Variants in BCL11A observed in about 807,000 individuals in gnomAD.
BCL11A encodes the protein B cell CLL/lymphoma 11A.
A neutral mutation model predicts 55.9 loss-of-function variants in BCL11A; 2 were observed. That is an observed-to-expected ratio of 0.04 (90% confidence interval 0.01 to 0.11). BCL11A has a LOEUF of 0.11. BCL11A is among the 10% of genes least tolerant of loss of function. The pLI, the probability that BCL11A is intolerant of heterozygous loss-of-function variation, is 1.00. For missense variants in BCL11A, 817 were observed against 1,137.1 expected, an observed-to-expected ratio of 0.72 and a Z score of 4.05; for synonymous variants, 465 against 473.4, an observed-to-expected ratio of 0.98 and a Z score of 0.23.
chr2:60,541,285 T>C (rs2104713725), intron 2 of BCL11A, among the ~76,000 whole-genome samples: 2 of 152,338 alleles, frequency 1.3e-5, no homozygotes, highest in East Asian at 3.9e-4. Context: ...ACAAGGGTAA[T>C]GTCTGAAGAA....
chr2:60,549,920 GGCTGCGGTTAT>G (rs572488374), intron 1 of BCL11A: 2 of 152,464 alleles, frequency 1.3e-5, no homozygotes, highest in East Asian at 3.9e-4. Context: ...GCGCGGCGGC[GGCTGCGGTTAT>G]TCATTATTAA....
At chr2:60,488,626 G>A (rs1419108615) in intron 2 of BCL11A, among the ~76,000 whole-genome samples, 4 of 152,110 alleles carry the variant, frequency 2.6e-5, no homozygotes, top group African/African-American at 4.8e-5. Flanking sequence ...AGGGGAATTC[G>A]GTAAAACTTT....
chr2:60,523,148 C>T (rs1319177313), intron 2 of BCL11A, among the ~76,000 whole-genome samples: 1 of 152,268 alleles, frequency 6.6e-6, no homozygotes, highest in African/African-American at 2.4e-5. Flanking sequence ...GATGCAGAGG[C>T]AGGTCACAGA....
intron 2 of BCL11A, among the ~76,000 whole-genome samples, chr2:60,541,009 GTTT>G (rs1236492223): frequency 7.2e-6 from 1 of 139,804 alleles, no homozygotes; most frequent in African/African-American, 2.6e-5. Context: ...TTGTTTTTTT[GTTT>G]TTTTAAGCTT....
rs764628591 is a variant in BCL11A at position 60,461,276 on chromosome 2, C to T, written c.1636G>A (p.Val546Ile). 1.2e-5 allele frequency: 19 copies of T among 1,581,664 alleles called. No homozygotes were observed. The highest frequency in any genetic ancestry group is 3.4e-5 in the Admixed American group (2 of 59,168). Residue 546 changes from valine to isoleucine, a missense_variant, in exon 4 of 4, where the codon GTC becomes ATC. Transcript: ENST00000642384. ...VGDESRALPD[V>I]MQGMVLSSMQ... ...GAGCTGAGCACCATGCCCTGCATGACGTCGGGCAGGGCGCGGCTCTCGTCG... is the reference window on the plus strand; with the variant it reads ...GAGCTGAGCACCATGCCCTGCATGATGTCGGGCAGGGCGCGGCTCTCGTCG...
At chr2:60,552,091 G>A (rs780769937) in intron 1 of BCL11A, among the ~76,000 whole-genome samples, 7 of 151,838 alleles carry the variant, frequency 4.6e-5, no homozygotes, top group Admixed American at 1.3e-4. Flanking sequence ...TGGGGGAAGA[G>A]GGTGATTGTA....
intron 2 of BCL11A, among the ~76,000 whole-genome samples, chr2:60,499,486 A>ATTGAC (rs1679156719): frequency 6.6e-6 from 1 of 152,186 alleles, no homozygotes; most frequent in African/African-American, 2.4e-5. Flanking sequence ...CAATAGGCTG[A>ATTGAC]TTGACTTGTC....
intron 2 of BCL11A, among the ~76,000 whole-genome samples, chr2:60,531,313 T>C (rs890790624): frequency 2.6e-5 from 4 of 152,086 alleles, no homozygotes; most frequent in Non-Finnish European, 5.9e-5. Flanking sequence ...AACCAGAAAA[T>C]AAATTAAATA....
intron 2 of BCL11A, among the ~76,000 whole-genome samples, chr2:60,482,547 T>C (rs1678021490): frequency 6.6e-6 from 1 of 152,212 alleles, no homozygotes; most frequent in Admixed American, 6.5e-5. Flanking sequence ...TGCTTATTTA[T>C]AGATTTGCAG....
At chr2:60,534,729 C>T (rs1215464422) in intron 2 of BCL11A, 1 of 152,218 alleles carries the variant, frequency 6.6e-6, no homozygotes, top group Non-Finnish European at 1.5e-5. Context: ...CAAGAAGATG[C>T]ATCATTTTGC....
At chr2:60,454,544 AAC>A (rs1321801460), downstream of BCL11A, among the ~76,000 whole-genome samples, 1 of 152,184 alleles carries the variant, frequency 6.6e-6, no homozygotes, top group Non-Finnish European at 1.5e-5. Context: ...CGTAATGAGG[AAC>A]ACACAGTTAC....
chr2:60,509,911 A>G (rs1290886927), intron 2 of BCL11A, among the ~76,000 whole-genome samples: 1 of 152,096 alleles, frequency 6.6e-6, no homozygotes, highest in South Asian at 2.1e-4. Flanking sequence ...GCCCATCCCA[A>G]TAAACAGCAA....
intron 2 of BCL11A, among the ~76,000 whole-genome samples, chr2:60,505,177 A>C (rs1382469391): frequency 6.6e-6 from 1 of 152,200 alleles, no homozygotes; most frequent in Admixed American, 6.5e-5. Flanking sequence ...CCGTATCCTC[A>C]TTACTAACAG....
intron 2 of BCL11A, among the ~76,000 whole-genome samples, chr2:60,476,615 C>A (rs996299834): frequency 2.6e-5 from 4 of 152,220 alleles, no homozygotes; most frequent in African/African-American, 9.6e-5. Flanking sequence ...TAAAATAAAT[C>A]ATATTTGCTA....
intron 2 of BCL11A, among the ~76,000 whole-genome samples, chr2:60,470,626 T>C (rs944107206): frequency 6.6e-6 from 1 of 152,090 alleles, no homozygotes; most frequent in African/African-American, 2.4e-5. Flanking sequence ...CAGCAAGAAA[T>C]GGGAGAACTG....
In BCL11A at chr2:60,461,244, C is replaced by T. The variant is rs777019944; in HGVS notation, c.1668G>A (p.Gln556=). 1.9e-6 allele frequency: 3 copies of T among 1,609,416 alleles called. No homozygotes were observed. In the Admixed American group the frequency reaches 5.0e-5, roughly 27 times the overall value. The change falls in exon 4 of 4, where the codon CAG becomes CAA. Residue 556 remains glutamine, a synonymous_variant. Coordinates refer to ENST00000642384, the MANE Select transcript of BCL11A (RefSeq NM_022893.4). ...VMQGMVLSSM[Q]HFSEAFHQVL... is the part of the protein sequence containing the mutation. ...CCTGGTGGAAGGCCTCGCTGAAGTG[C>T]TGCATGGAGCTGAGCACCATGCCCT...
intron 3 of BCL11A, among the ~76,000 whole-genome samples, chr2:60,466,551 C>T (rs577907725): frequency 1.3e-5 from 2 of 152,284 alleles, no homozygotes; most frequent in South Asian, 2.1e-4. Context: ...GACCTGAGGG[C>T]TTATGAAATT....
chr2:60,547,960 G>C (rs976317777), intron 1 of BCL11A, among the ~76,000 whole-genome samples: 2 of 152,174 alleles, frequency 1.3e-5, no homozygotes, highest in Non-Finnish European at 2.9e-5. Flanking sequence ...AATAAAGACA[G>C]TAAAGTAAGC....
Position 60,496,761 on chromosome 2 carries a change from T to C in BCL11A, c.386-27928A>G, listed in dbSNP as rs1438059857. On this transcript the variant is annotated intron_variant, in intron 2 of 3. Transcript: ENST00000642384. ...ACCAGGTAGCCTTTCCCACTCTAGG[T>C]TCCACTGTGAGTGCTCTCTCTCTCT... Among the ~76,000 whole-genome samples, 3 of 146,552 alleles carry C rather than the reference T, an allele frequency of 2.0e-5. No homozygotes were observed. In the Admixed American group the frequency reaches 2.1e-4, roughly 10 times the overall value.
Sources: allele counts gnomAD v4.1 joint callset (sites outside exome capture counted in the v4.1 genomes callset), GRCh38; gene constraint gnomAD v4.1.1; transcripts MANE v1.5; gene names NCBI Gene and HGNC (gene_info 2026-07-23, HGNC 2026-07-21).